The following ARID2 variants were observed in gnomAD, a reference collection of about 807,000 sequenced individuals.
ARID2 encodes the protein AT-rich interactive domain-containing protein 2.
Under a neutral mutation model 184.6 loss-of-function variants are expected in ARID2, and 32 were observed. The ratio of observed to expected loss-of-function variants is 0.17; its 90% CI spans 0.13 to 0.23. The LOEUF (loss-of-function observed/expected upper bound fraction) is 0.23. Ranked by LOEUF, ARID2 falls within the 10% of genes least tolerant of loss-of-function variation. ARID2 has a pLI of 1.00. For synonymous variants in ARID2, 836 were observed against 772.6 expected (o/e 1.08, Z -1.36); for missense variants, 1,696 against 2,197.6 (o/e 0.77, Z 4.56).
In ARID2 at chr12:45,851,021, T is replaced by C. The variant is rs2138167129; in HGVS notation, c.2898T>C (p.Pro966=). 1 of 1,614,152 alleles carries C rather than the reference T, an allele frequency of 6.2e-7. No individual in the cohort carries two copies. The highest frequency in any genetic ancestry group is 8.5e-7 in the Non-Finnish European group (1 of 1,180,014). The change falls in exon 15 of 21, where the codon CCT becomes CCC. Residue 966 remains proline (P), a synonymous_variant. Coordinates refer to ENST00000334344, the MANE Select transcript of ARID2 (RefSeq NM_152641.4). ...AGACAGTTCAGCTAACTGGACAACC[T>C]AACATAACTCCATCTTCTTCACCAT... The part of the protein sequence containing the change: ...AGQTVQLTGQ[P]NITPSSSPSP...
At chr12:45,891,639 A>G (rs1325132387) in intron 16 of ARID2, 141 bp from the exon 17 acceptor site, 11 of 833,950 alleles carry the variant, frequency 1.3e-5, no homozygotes, top group South Asian at 3.8e-5. Flanking sequence ...GGAATTATGA[A>G]TAAGGGATGT....
intron 4 of ARID2, among the ~76,000 whole-genome samples, chr12:45,816,495 C>T (rs1027896692): frequency 6.6e-6 from 1 of 152,094 alleles, no homozygotes; most frequent in African/African-American, 2.4e-5. Flanking sequence ...ATGTTACAGC[C>T]ACTTTGGAAA....
At position 45,837,952 on chromosome 12, in the gene ARID2, T is replaced by A. The variant is rs1455321549; in HGVS notation, c.1330+245T>A. Reference sequence around the variant, plus strand: ...TTGTTTATTTTTTATTTTTATTAAATTTGAAATATACAACTCTGGAAGAAG... The same window carrying A: ...TTGTTTATTTTTTATTTTTATTAAAATTGAAATATACAACTCTGGAAGAAG... On this transcript the variant is annotated intron_variant, in intron 10 of 20. Coordinates refer to ENST00000334344, the MANE Select transcript of ARID2 (RefSeq NM_152641.4). 2.0e-5 allele frequency among the ~76,000 whole-genome samples: 3 copies of A among 152,234 alleles called. No individual in the cohort carries two copies. In the South Asian group the frequency reaches 6.2e-4, roughly 32 times the overall value.
intron 13 of ARID2, 136 bp downstream of exon 13, chr12:45,849,106 T>A: frequency 1.1e-6 from 1 of 943,976 alleles, no homozygotes; most frequent in South Asian, 2.5e-5. Flanking sequence ...TAGGTTATAG[T>A]GTGGTGGAGG....
At chr12:45,780,092 A>G (rs1013106562) in intron 3 of ARID2, among the ~76,000 whole-genome samples, 1 of 152,208 alleles carries the variant, frequency 6.6e-6, no homozygotes, top group Non-Finnish European at 1.5e-5. Flanking sequence ...GTAAATGCTA[A>G]CTACATGCTG....
At chr12:45,732,317 T>C (rs1941019420) in intron 3 of ARID2, among the ~76,000 whole-genome samples, 2 of 152,242 alleles carry the variant, frequency 1.3e-5, no homozygotes, top group African/African-American at 2.4e-5. Flanking sequence ...CACTCAGTTA[T>C]TGTGTATTAC....
chr12:45,739,558 A>G (rs559388894), intron 3 of ARID2, among the ~76,000 whole-genome samples: 137 of 150,806 alleles, frequency 9.1e-4, no homozygotes, highest in African/African-American at 2.6e-3. Flanking sequence ...GTTTGGATAA[A>G]CATCTTATTG....
At chr12:45,764,940 G>A (rs1375966119) in intron 3 of ARID2, among the ~76,000 whole-genome samples, 2 of 152,126 alleles carry the variant, frequency 1.3e-5, no homozygotes, top group African/African-American at 4.8e-5. Flanking sequence ...TTTGAGAATG[G>A]CTGAACTATT....
At chr12:45,774,132 G>T (rs949770073) in intron 3 of ARID2, among the ~76,000 whole-genome samples, 2 of 152,110 alleles carry the variant, frequency 1.3e-5, no homozygotes, top group African/African-American at 4.8e-5. Context: ...TATTGAATCC[G>T]AATTTATTTA....
At chr12:45,887,541 G>GA (rs745355237) in intron 16 of ARID2, among the ~76,000 whole-genome samples, 23 of 152,264 alleles carry the variant, frequency 1.5e-4, no homozygotes, top group Non-Finnish European at 2.6e-4. Flanking sequence ...AATGTTGTAG[G>GA]AAAAAACCGG....
chr12:45,856,895 G>A (rs1943660822), intron 15 of ARID2, among the ~76,000 whole-genome samples: 2 of 152,106 alleles, frequency 1.3e-5, no homozygotes, highest in South Asian at 4.1e-4. Flanking sequence ...TGTAATACTT[G>A]CAAGTTGAAG....
chr12:45,798,544 A>G (rs1308289819), intron 3 of ARID2, among the ~76,000 whole-genome samples: 1 of 152,188 alleles, frequency 6.6e-6, no homozygotes, highest in African/African-American at 2.4e-5. Context: ...CTGGAAGTGG[A>G]GAGTAGGCTT....
intron 3 of ARID2, among the ~76,000 whole-genome samples, chr12:45,785,411 C>T (rs972560165): frequency 1.3e-5 from 2 of 152,000 alleles, no homozygotes; most frequent in African/African-American, 4.8e-5. Flanking sequence ...TGATGTTTTC[C>T]ATAAGACGCA....
At chr12:45,730,813 C>T (rs954882185) in intron 2 of ARID2, among the ~76,000 whole-genome samples, 5 of 144,494 alleles carry the variant, frequency 3.5e-5, no homozygotes, top group Non-Finnish European at 6.1e-5. Context: ...TCGGCCCCAG[C>T]CCCGGCCCCC....
At chr12:45,790,124 A>T (rs1279588065) in intron 3 of ARID2, among the ~76,000 whole-genome samples, 3 of 152,096 alleles carry the variant, frequency 2.0e-5, no homozygotes, top group Non-Finnish European at 2.9e-5. Flanking sequence ...TTTTTAAATT[A>T]TTCAGTTCTA....
chr12:45,849,691 G>A lies in ARID2; in HGVS notation c.1827G>A (p.Gln609=), dbSNP rs752704706. 1.9e-6 allele frequency: 3 copies of A among 1,613,952 alleles called. No homozygotes were observed. The highest frequency in any genetic ancestry group is 2.5e-6 in the Non-Finnish European group (3 of 1,179,860). ...VKRRAIPLPI[Q]MYYQQQPVST... is the part of the protein sequence containing the mutation. The stretch of plus-strand genomic sequence containing the variant: ...GGAGGGCTATACCACTTCCCATTCA[G>A]ATGTACTATCAGCAGCAACCAGTTT... The change falls in exon 14 of 21, where the codon CAG becomes CAA. Residue 609 remains glutamine, a synonymous_variant. Transcript: ENST00000334344.
At chr12:45,793,191 T>C (rs1422598236) in intron 3 of ARID2, among the ~76,000 whole-genome samples, 2 of 151,890 alleles carry the variant, frequency 1.3e-5, no homozygotes, top group African/African-American at 2.4e-5. Context: ...TCCCAGTTAC[T>C]TGGGAGGCTG....
chr12:45,888,883 T>C (rs1944242135), intron 16 of ARID2, among the ~76,000 whole-genome samples: 1 of 152,082 alleles, frequency 6.6e-6, no homozygotes, highest in Non-Finnish European at 1.5e-5. Context: ...TAAGGAAGAG[T>C]ATTATTTTAA....
chr12:45,886,211 CT>C (rs1944186910), intron 16 of ARID2, among the ~76,000 whole-genome samples: 1 of 152,022 alleles, frequency 6.6e-6, no homozygotes, highest in African/African-American at 2.4e-5. Flanking sequence ...AACAAAGAGG[CT>C]ACAGGCACCA....
Sources: allele counts gnomAD v4.1 joint callset (sites outside exome capture counted in the v4.1 genomes callset), GRCh38; gene constraint gnomAD v4.1.1; transcripts MANE v1.5; gene names NCBI Gene and HGNC (gene_info 2026-07-23, HGNC 2026-07-21).